KLF17: variants seen among roughly 807,000 people sequenced by gnomAD.
KLF17 encodes Krueppel-like factor 17.
KLF17 carries 31 observed loss-of-function variants against 34.2 expected under a neutral mutation model. The ratio of observed to expected loss-of-function variants is 0.91; its 90% CI spans 0.68 to 1.22. The LOEUF (loss-of-function observed/expected upper bound fraction) is 1.22. Ranked by LOEUF, KLF17 falls within the 50% of genes most tolerant of loss-of-function variation. KLF17 has a pLI of 0.00. For synonymous variants in KLF17, 179 were observed against 186.7 expected, an observed-to-expected ratio of 0.96 and a Z score of 0.34; for missense variants, 478 against 505.2, an observed-to-expected ratio of 0.95 and a Z score of 0.52.
chr1:44,088,568 G>A, the KLF17 span: 12 of 152,256 alleles, frequency 7.9e-5, no homozygotes, highest in African/African-American at 2.9e-4. Flanking sequence ...CCTTGTCTAA[G>A]GTGATTTCTT....
At chr1:44,093,539 C>T in the KLF17 span, among the ~76,000 whole-genome samples, 1 of 152,116 alleles carries the variant, frequency 6.6e-6, no homozygotes, top group Non-Finnish European at 1.5e-5. Flanking sequence ...GAATTACAGG[C>T]ATTTGCCACC....
chr1:44,088,541 C>G, the KLF17 span: 1 of 152,326 alleles, frequency 6.6e-6, no homozygotes, highest in Admixed American at 6.5e-5. Flanking sequence ...TCCCACTGCC[C>G]TGCAGCCCTT....
chr1:44,127,692 T>TTCTTTTTCTTTC (rs753421834), intron 1 of KLF17, among the ~76,000 whole-genome samples: 98 of 90,152 alleles, frequency 1.1e-3, no homozygotes, highest in African/African-American at 3.3e-3. Flanking sequence ...CTTTCTTTCT[T>TTCTTTTTCTTTC]TTTCTTTCTT....
chr1:44,103,172 C>T, the KLF17 span: 2 of 568,820 alleles, frequency 3.5e-6, no homozygotes, highest in Admixed American at 3.0e-5. Context: ...TAAACTCCTC[C>T]GCAGGTGGGC....
chr1:44,086,405 G>T, the KLF17 span, among the ~76,000 whole-genome samples: 4 of 152,218 alleles, frequency 2.6e-5, no homozygotes, highest in South Asian at 8.3e-4. Flanking sequence ...AGTAGAGGTT[G>T]CGGTGAGCTG....
the KLF17 span, among the ~76,000 whole-genome samples, chr1:44,088,959 C>T: frequency 6.6e-6 from 1 of 151,952 alleles, no homozygotes; most frequent in Non-Finnish European, 1.5e-5. Flanking sequence ...ATAAAAAGAC[C>T]ACAGGAGGAG....
the KLF17 span, among the ~76,000 whole-genome samples, chr1:44,092,032 T>TAA: frequency 0.02 from 2,523 of 125,366 alleles, 52 homozygotes; most frequent in African/African-American, 0.035. Context: ...ACTACTGCAT[T>TAA]AAAAAAAAAA....
At chr1:44,098,553 T>A in the KLF17 span, among the ~76,000 whole-genome samples, 6 of 123,174 alleles carry the variant, frequency 4.9e-5, no homozygotes, top group Non-Finnish European at 9.0e-5. Context: ...ATATTTCTTT[T>A]TTTTTTTTTT....
At chr1:44,132,695 C>A (rs866824664) in intron 3 of KLF17, among the ~76,000 whole-genome samples, 1 of 150,392 alleles carries the variant, frequency 6.6e-6, no homozygotes, top group Admixed American at 6.7e-5. Context: ...AAGCCTGGGG[C>A]AGATAAAGAT....
chr1:44,127,068 T>G (rs984901646), intron 1 of KLF17, among the ~76,000 whole-genome samples: 6 of 149,600 alleles, frequency 4.0e-5, no homozygotes, highest in Non-Finnish European at 8.9e-5. Context: ...GGCTTGTTTT[T>G]TTTTTTTTTT....
chr1:44,132,360 A>G (rs1238703777), intron 3 of KLF17, among the ~76,000 whole-genome samples: 2 of 152,012 alleles, frequency 1.3e-5, no homozygotes, highest in African/African-American at 4.8e-5. Context: ...AGACTCAGGC[A>G]AATCAATTCC....
At chr1:44,126,741 G>A (rs529981261) in intron 1 of KLF17, among the ~76,000 whole-genome samples, 4 of 152,154 alleles carry the variant, frequency 2.6e-5, no homozygotes, top group South Asian at 2.1e-4. Flanking sequence ...TTTTAGCAAG[G>A]AATAGAATTA....
chr1:44,117,530 T>A (rs943085455), upstream of KLF17: 3 of 151,580 alleles, frequency 2.0e-5, no homozygotes, highest in African/African-American at 7.3e-5. Context: ...AATTTTGCTC[T>A]TGTTGCCCAG....
the KLF17 span, among the ~76,000 whole-genome samples, chr1:44,080,509 A>G: frequency 6.6e-6 from 1 of 152,054 alleles, no homozygotes; most frequent in African/African-American, 2.4e-5. Flanking sequence ...AAGTGCTGGG[A>G]TTACAGGCGT....
At chr1:44,065,266 C>T in the KLF17 span, among the ~76,000 whole-genome samples, 55 of 148,822 alleles carry the variant, frequency 3.7e-4, no homozygotes, top group Non-Finnish European at 6.8e-4. Context: ...CCAGCCTGGG[C>T]GACAGAGCGA....
chr1:44,123,726 G>GT (rs1007157999), intron 1 of KLF17, among the ~76,000 whole-genome samples: 3 of 151,992 alleles, frequency 2.0e-5, no homozygotes, highest in African/African-American at 7.2e-5. Context: ...TGCTTTTGCT[G>GT]TATCTATCCC....
At chr1:44,128,033 G>T (rs572875742) in intron 1 of KLF17, among the ~76,000 whole-genome samples, 2 of 151,538 alleles carry the variant, frequency 1.3e-5, no homozygotes, top group Non-Finnish European at 2.9e-5. Flanking sequence ...AGCTTTATTC[G>T]TTTCTCAACT....
the KLF17 span, among the ~76,000 whole-genome samples, chr1:44,049,127 T>C: frequency 1.3e-5 from 2 of 152,224 alleles, no homozygotes; most frequent in Non-Finnish European, 2.9e-5. Context: ...TGTAGATGAC[T>C]GCCTTCTCAC....
chr1:44,084,678 T>G, the KLF17 span, among the ~76,000 whole-genome samples: 1 of 86,100 alleles, frequency 1.2e-5, no homozygotes, highest in African/African-American at 4.9e-5. Flanking sequence ...AGATCTTGTC[T>G]CAAAAAAAAA....
Sources: allele counts gnomAD v4.1 joint callset (sites outside exome capture counted in the v4.1 genomes callset), GRCh38; gene constraint gnomAD v4.1.1; transcripts MANE v1.5; gene names NCBI Gene and HGNC (gene_info 2026-07-23, HGNC 2026-07-21).